The following PSD3 variants were observed in gnomAD, a reference collection of about 807,000 sequenced individuals.
PSD3 encodes PH and SEC7 domain-containing protein 3.
In PSD3, 49 loss-of-function variants were observed where a neutral mutation model predicts 105.5. The observed-to-expected ratio is 0.46, with a 90% CI of 0.37 to 0.59. PSD3 has a LOEUF of 0.59. PSD3 is among the 20% of genes least tolerant of loss of function. PSD3 has a pLI of 0.00. For synonymous variants in PSD3, 557 were observed against 457.8 expected, an observed-to-expected ratio of 1.22 and a Z score of -2.77; for missense variants, 1,561 against 1,263.8, an observed-to-expected ratio of 1.24 and a Z score of -3.57.
chr8:18,757,715 C>G (rs1806173602), intron 9 of PSD3, among the ~76,000 whole-genome samples: 1 of 152,324 alleles, frequency 6.6e-6, no homozygotes. Flanking sequence ...CTTCCACTTT[C>G]CTAAACAATT....
chr8:18,947,502 G>A (rs954518103), intron 1 of PSD3, among the ~76,000 whole-genome samples: 2 of 152,160 alleles, frequency 1.3e-5, no homozygotes, highest in African/African-American at 4.8e-5. Context: ...TGGGACAAGG[G>A]GAAGCCGGGG....
At chr8:19,048,387 T>G (rs1414980287) in intron 1 of PSD3, among the ~76,000 whole-genome samples, 1 of 152,240 alleles carries the variant, frequency 6.6e-6, no homozygotes, top group Non-Finnish European at 1.5e-5. Context: ...GTCAGATTCC[T>G]GGAGAAATGG....
chr8:18,744,333 A>G (rs1303060692), intron 9 of PSD3, among the ~76,000 whole-genome samples: 1 of 152,136 alleles, frequency 6.6e-6, no homozygotes, highest in Non-Finnish European at 1.5e-5. Flanking sequence ...ATTGGTGCTA[A>G]GTATCAGAGA....
intron 8 of PSD3, among the ~76,000 whole-genome samples, chr8:18,793,849 CAG>C (rs968758051): frequency 2.0e-5 from 3 of 152,176 alleles, no homozygotes; most frequent in African/African-American, 4.8e-5. Flanking sequence ...ATTACAGATG[CAG>C]AGAGTTCTTG....
chr8:18,749,446 T>C (rs1008996138), intron 9 of PSD3, among the ~76,000 whole-genome samples: 1 of 152,248 alleles, frequency 6.6e-6, no homozygotes, highest in African/African-American at 2.4e-5. Flanking sequence ...TCCGCATTTA[T>C]GCAGGATTTT....
chr8:19,013,206 A>C (rs553713497), intron 1 of PSD3, among the ~76,000 whole-genome samples: 1 of 152,112 alleles, frequency 6.6e-6, no homozygotes, highest in African/African-American at 2.4e-5. Flanking sequence ...TTTCTGACAG[A>C]AACGTGATAG....
chr8:18,938,756 C>G (rs1261672023), intron 1 of PSD3, among the ~76,000 whole-genome samples: 1 of 152,120 alleles, frequency 6.6e-6, no homozygotes, highest in Non-Finnish European at 1.5e-5. Context: ...TCAGAACAAT[C>G]CTATGAGGTG....
At chr8:18,923,895 T>C (rs1258202613) in intron 2 of PSD3, among the ~76,000 whole-genome samples, 2 of 151,874 alleles carry the variant, frequency 1.3e-5, no homozygotes, top group South Asian at 2.1e-4. Context: ...AATATATATA[T>C]ATACATATAT....
intron 1 of PSD3, among the ~76,000 whole-genome samples, chr8:19,060,975 C>T (rs575793361): frequency 6.6e-6 from 1 of 152,252 alleles, no homozygotes; most frequent in East Asian, 1.9e-4. Flanking sequence ...CTGACTGGCC[C>T]TTTGACTTCT....
chr8:18,558,748 G>C (rs1801225564), intron 14 of PSD3, among the ~76,000 whole-genome samples: 1 of 152,166 alleles, frequency 6.6e-6, no homozygotes, highest in Admixed American at 6.5e-5. Context: ...TTGAACCTGG[G>C]AGATGGAGGC....
At chr8:19,060,533 C>T (rs1156658671) in intron 1 of PSD3, among the ~76,000 whole-genome samples, 1 of 152,156 alleles carries the variant, frequency 6.6e-6, no homozygotes, top group Non-Finnish European at 1.5e-5. Context: ...ACTCAGGAGG[C>T]TGAGACAGGA....
At chr8:18,839,769 A>G (rs949563041) in intron 4 of PSD3, among the ~76,000 whole-genome samples, 1 of 152,180 alleles carries the variant, frequency 6.6e-6, no homozygotes, top group Non-Finnish European at 1.5e-5. Context: ...CATCACGCAA[A>G]GCAACACTTG....
chr8:19,074,028 G>A (rs1453705116), intron 1 of PSD3, among the ~76,000 whole-genome samples: 2 of 152,076 alleles, frequency 1.3e-5, no homozygotes, highest in Admixed American at 6.5e-5. Context: ...CTGACCTCGT[G>A]ATCCGCCCAC....
Position 18,586,689 on chromosome 8 carries a change from C to G in PSD3, c.2482-11404G>C, listed in dbSNP as rs78506253. The stretch of plus-strand genomic sequence containing the variant: ...AATTCTTTCGAAGACCAATTTGATT[C>G]ATTTAATCAGGGAAGCAGTGGCCCT... On this transcript the variant is annotated intron_variant, in intron 12 of 15. Coordinates refer to ENST00000327040, the MANE Select transcript of PSD3 (RefSeq NM_015310.4). 4.3e-4 allele frequency among the ~76,000 whole-genome samples: 66 copies of G among 152,208 alleles called. No homozygotes were observed. The East Asian group carries it at 0.013, about 29-fold the overall frequency.
At chr8:18,880,411 C>T (rs1189756687) in intron 2 of PSD3, among the ~76,000 whole-genome samples, 2 of 152,082 alleles carry the variant, frequency 1.3e-5, no homozygotes, top group East Asian at 1.9e-4. Context: ...TTAGAAAGCT[C>T]GCCTTGGTGG....
intron 10 of PSD3, among the ~76,000 whole-genome samples, chr8:18,641,874 T>A (rs1463704291): frequency 7.1e-6 from 1 of 141,392 alleles, no homozygotes; most frequent in East Asian, 2.0e-4. Context: ...CGAGGCAGGA[T>A]GAGTCTAAAA....
intron 12 of PSD3, among the ~76,000 whole-genome samples, chr8:18,591,955 C>G (rs1585324313): frequency 6.6e-6 from 1 of 152,118 alleles, no homozygotes; most frequent in East Asian, 1.9e-4. Context: ...TCTGCTGTAG[C>G]AAGCCAGTCT....
intron 1 of PSD3, among the ~76,000 whole-genome samples, chr8:19,080,282 G>C (rs1037707112): frequency 2.0e-5 from 3 of 152,198 alleles, no homozygotes; most frequent in Non-Finnish European, 4.4e-5. Context: ...TTTTGAGGTA[G>C]AAAGATTTCC....
At chr8:18,783,078 C>T (rs1322666443) in intron 8 of PSD3, among the ~76,000 whole-genome samples, 2 of 152,096 alleles carry the variant, frequency 1.3e-5, no homozygotes, top group African/African-American at 4.8e-5. Context: ...GATGTTAAAA[C>T]TTCTTTAAAT....
Sources: allele counts gnomAD v4.1 joint callset (sites outside exome capture counted in the v4.1 genomes callset), GRCh38; gene constraint gnomAD v4.1.1; transcripts MANE v1.5; gene names NCBI Gene and HGNC (gene_info 2026-07-23, HGNC 2026-07-21).